The following CFAP74 variants were observed in gnomAD, a reference collection of about 807,000 sequenced individuals.
The protein encoded by CFAP74 is cilia and flagella associated protein 74, also known as cilia- and flagella-associated protein 74.
In CFAP74, 124 loss-of-function variants were observed where a neutral mutation model predicts 188.9. That is an observed-to-expected ratio of 0.66 (90% CI 0.57 to 0.76). The LOEUF (loss-of-function observed/expected upper bound fraction) is 0.76. Among genes scored for constraint, CFAP74 ranks in the 30% least tolerant of loss-of-function variants. The pLI is 0.00. For synonymous variants in CFAP74, 956 were observed against 916.7 expected, an observed-to-expected ratio of 1.04 and a Z score of -0.77; for missense variants, 2,198 against 2,165.2, an observed-to-expected ratio of 1.02 and a Z score of -0.30.
intron 1 of CFAP74, among the ~76,000 whole-genome samples, chr1:2,001,339 T>G (rs1208038788): frequency 2.0e-5 from 3 of 151,708 alleles, no homozygotes; most frequent in Non-Finnish European, 2.9e-5. Flanking sequence ...ATTTTGTTTT[T>G]TTTTTTTTGA....
At chr1:1,938,811 G>A (rs1301575981) in intron 25 of CFAP74, 44 bp downstream of exon 25, 28 of 1,525,966 alleles carry the variant, frequency 1.8e-5, no homozygotes, top group Admixed American at 1.2e-4. Flanking sequence ...CCTCCTGAGC[G>A]GGCACTCCAG....
At chr1:1,966,782 T>A (rs1351802526) in intron 11 of CFAP74, among the ~76,000 whole-genome samples, 1 of 152,156 alleles carries the variant, frequency 6.6e-6, no homozygotes, top group Non-Finnish European at 1.5e-5. Context: ...AGGAAAATGT[T>A]CTAATTCACG....
Position 1,942,338 on chromosome 1 carries a change from G to A in CFAP74, c.2487-182C>T, listed in dbSNP as rs1653439874. On this transcript the variant is annotated intron_variant, in intron 21 of 38. Transcript: ENST00000682832. The surrounding 1 kb of genome is among the most constrained non-coding windows in gnomAD (Gnocchi z 4.3). ...GAGTCCTCAAAGCCCTGCTTTGTAA[G>A]GGCTGTTTTTTCTGAAATGAAATCT... is the stretch of plus-strand genomic sequence containing the variant. 6.6e-6 allele frequency among the ~76,000 whole-genome samples: 1 copy of A among 152,174 alleles called. No individual in the cohort carries two copies.
chr1:1,963,769 G>A lies in CFAP74; in HGVS notation c.1674C>T (p.Leu558=). The change falls in exon 14 of 39, where the codon CTC becomes CTT. Residue 558 remains leucine (L), a synonymous_variant. Transcript: ENST00000682832. ...YCKLVGVEEH[L]RDFIHVDFDP... is the part of the protein sequence containing the mutation. The stretch of plus-strand genomic sequence containing the variant: ...CTTACTCAACGTGGATGAAGTCCCG[G>A]AGGTGCTCCTCCACGCCCACCAGCT... 6.2e-7 allele frequency: 1 copy of A among 1,612,864 alleles called. No homozygotes were observed. Among genetic ancestry groups the A allele is most frequent in the African/African-American group, 1.3e-5 (1 of 75,022 alleles).
intron 4 of CFAP74, chr1:1,988,247 G>A (rs1176771344): frequency 2.2e-5 from 14 of 641,702 alleles, no homozygotes; most frequent in Non-Finnish European, 3.8e-5. Flanking sequence ...AAGCTACAAC[G>A]AAAGCTTGAC....
intron 21 of CFAP74, among the ~76,000 whole-genome samples, chr1:1,943,100 C>T (rs1328923496): frequency 6.6e-6 from 1 of 152,224 alleles, no homozygotes; most frequent in African/African-American, 2.4e-5. Flanking sequence ...GCTCTGCCTT[C>T]CGGTTCCCTT....
At chr1:1,955,140 A>G (rs1227280850) in intron 18 of CFAP74, 2 of 1,254,632 alleles carry the variant, frequency 1.6e-6, no homozygotes, top group African/African-American at 3.2e-5. Flanking sequence ...GGCGTGCGGA[A>G]CGCGCACCAC....
chr1:1,955,346 TG>T, intron 18 of CFAP74: 1 of 1,295,014 alleles, frequency 7.7e-7, no homozygotes, highest in Non-Finnish European at 1.0e-6. Context: ...CAGCCACAGC[TG>T]CAGAGCTAGA....
At position 1,968,610 on chromosome 1, in the gene CFAP74, G is replaced by C. The variant is rs1385339882; in HGVS notation, c.1245+25C>G. On this transcript the variant is annotated intron_variant, in intron 11 of 38. Transcript: ENST00000682832. This position sits in a 1 kb window ranked among gnomAD's most constrained non-coding sequence, Gnocchi z 4.3. ...TGCCCTCCACAGGTGTGCGGCTTCT[G>C]TCTACAGGAAGGCGTTTTGCTCACC... The C allele has an allele frequency of 1.9e-6, 3 of 1,602,856 alleles. No homozygotes were observed. Among genetic ancestry groups the C allele is most frequent in the Non-Finnish European group, 2.6e-6 (3 of 1,171,514 alleles).
chr1:1,975,682 G>T lies in CFAP74; in HGVS notation c.501-1484C>A, dbSNP rs1361253099. On this transcript the variant is annotated intron_variant, in intron 6 of 38. Transcript: ENST00000682832. The surrounding 1 kb of genome is among the most constrained non-coding windows in gnomAD (Gnocchi z 4.5). Reference sequence around the variant, plus strand: ...ACGTTCATTGCTCCCCAAGTCTGGGGGACTCCGCGGAGCTTCCACGGGCGG... The same window carrying T: ...ACGTTCATTGCTCCCCAAGTCTGGGTGACTCCGCGGAGCTTCCACGGGCGG... Among the ~76,000 whole-genome samples, 2 of 152,270 alleles carry T rather than the reference G, an allele frequency of 1.3e-5. No homozygotes were observed. Among genetic ancestry groups the T allele is most frequent in the South Asian group, 2.1e-4 (1 of 4,820 alleles).
chr1:1,949,380 G>A (rs1384879476), intron 18 of CFAP74, among the ~76,000 whole-genome samples: 1 of 151,986 alleles, frequency 6.6e-6, no homozygotes, highest in African/African-American at 2.4e-5. Flanking sequence ...GGCTGGTCTT[G>A]AACTCCTGAC....
intron 25 of CFAP74, 62 bp from the exon 26 acceptor site, chr1:1,930,398 G>C: frequency 6.9e-7 from 1 of 1,446,430 alleles, no homozygotes; most frequent in Admixed American, 2.3e-5. Flanking sequence ...TCTGCGGCAG[G>C]CGCGGGGGCC....
chr1:2,000,627 C>T (rs1031274002), intron 1 of CFAP74, among the ~76,000 whole-genome samples: 10 of 152,232 alleles, frequency 6.6e-5, no homozygotes, highest in Non-Finnish European at 1.3e-4. Context: ...TGTTTCAGGC[C>T]TCTCTTTTAG....
At chr1:1,936,542 CAAGAAA>C (rs2102041661) in intron 25 of CFAP74, among the ~76,000 whole-genome samples, 2 of 151,534 alleles carry the variant, frequency 1.3e-5, no homozygotes, top group African/African-American at 4.8e-5. Flanking sequence ...GAGTCCATCT[CAAGAAA>C]AATAACAAAA....
Position 1,952,432 on chromosome 1 carries a change from A to G in CFAP74, c.2176+3259T>C, listed in dbSNP as rs546504215. Among the ~76,000 whole-genome samples, 19 of 152,262 alleles carry G rather than the reference A, an allele frequency of 1.2e-4. No homozygotes were observed. In the South Asian group the frequency reaches 3.9e-3, roughly 32 times the overall value. ...AGATGGTAGAAACGAATCCAAATAT[A>G]TCAATCATCACAACACATTTAAATA... On this transcript the variant is annotated intron_variant, in intron 18 of 38. Coordinates refer to ENST00000682832, the MANE Select transcript of CFAP74 (RefSeq NM_001304360.2).
At chr1:1,947,176 T>G (rs1319891427) in intron 18 of CFAP74, 122 bp from the exon 19 acceptor site, 7 of 765,900 alleles carry the variant, frequency 9.1e-6, no homozygotes, top group African/African-American at 1.7e-5. Flanking sequence ...TTTCTGAACA[T>G]AGTGGAGCCA....
chr1:2,003,042 A>G (rs139829083), intron 1 of CFAP74, among the ~76,000 whole-genome samples: 2 of 152,288 alleles, frequency 1.3e-5, no homozygotes, highest in East Asian at 3.9e-4. Context: ...ATGGTCAAGA[A>G]GAGCGGGTCT....
At position 1,930,162 on chromosome 1, in the gene CFAP74, T is replaced by A. The variant is rs1337744803; in HGVS notation, c.3186A>T (p.Ser1062=). ...SPTHSKPRIG[S]EDASPMGPTS... Reference sequence around the variant, plus strand: ...TGGGCCCCATGGGAGAGGCGTCCTCTGAGCCAATGCGGGGCTTGGAGTGGG... The same window carrying A: ...TGGGCCCCATGGGAGAGGCGTCCTCAGAGCCAATGCGGGGCTTGGAGTGGG... Residue 1062 remains serine, a synonymous_variant, in exon 26 of 39, where the codon TCA becomes TCT. Coordinates refer to ENST00000682832, the MANE Select transcript of CFAP74 (RefSeq NM_001304360.2). 6.5e-7 allele frequency: 1 copy of A among 1,535,642 alleles called. No homozygotes were observed. Among genetic ancestry groups the A allele is most frequent in the African/African-American group, 1.4e-5 (1 of 73,142 alleles).
intron 17 of CFAP74, among the ~76,000 whole-genome samples, chr1:1,956,188 C>A (rs1654610591): frequency 6.6e-6 from 1 of 152,252 alleles, no homozygotes; most frequent in Non-Finnish European, 1.5e-5. Flanking sequence ...AGGCTTCTCT[C>A]CACCTGAGCC....
Sources: allele counts gnomAD v4.1 joint callset (sites outside exome capture counted in the v4.1 genomes callset), GRCh38; gene constraint gnomAD v4.1.1; non-coding constraint Gnocchi (gnomAD v3.1); transcripts MANE v1.5; gene names NCBI Gene and HGNC (gene_info 2026-07-23, HGNC 2026-07-21).